The following PLXDC2 variants were observed in gnomAD, a reference collection of about 807,000 sequenced individuals.
PLXDC2 encodes the protein plexin domain-containing protein 2.
PLXDC2 carries 40 observed loss-of-function variants against 68.9 expected under a neutral mutation model. The observed-to-expected ratio is 0.58, with a 90% CI of 0.45 to 0.76. The LOEUF (loss-of-function observed/expected upper bound fraction) is 0.76. Among genes scored for constraint, PLXDC2 ranks in the 30% least tolerant of loss-of-function variants. The pLI, the probability that PLXDC2 is intolerant of heterozygous loss-of-function variation, is 0.00. For synonymous variants in PLXDC2, 243 were observed against 234.2 expected (o/e 1.04, Z -0.34); for missense variants, 644 against 661.9 (o/e 0.97, Z 0.30).
At chr10:20,072,481 C>CAAAGAAAGAAAGAGAAAG (rs1836341350) in intron 4 of PLXDC2, among the ~76,000 whole-genome samples, 1 of 72,602 alleles carries the variant, frequency 1.4e-5, no homozygotes, top group Admixed American at 1.6e-4. Context: ...AAAGAAGGAA[C>CAAAGAAAGAAAGAGAAAG]AAAGAAAGAA....
At position 20,070,524 on chromosome 10, in the gene PLXDC2, A is replaced by C. The variant is rs930096150; in HGVS notation, c.541+2285A>C. Among the ~76,000 whole-genome samples the C allele has an allele frequency of 4.6e-5, 7 of 152,190 alleles. 1 individual carries two copies. Among genetic ancestry groups the C allele is most frequent in the Non-Finnish European group, 8.8e-5 (6 of 68,034 alleles). On this transcript the variant is annotated intron_variant, in intron 4 of 13. Coordinates refer to ENST00000377252, the MANE Select transcript of PLXDC2 (RefSeq NM_032812.9). ...GAAGTATGTCTTTTGACCTCATCGG[A>C]TATATCCAGTATAGTGCCAGGCATT...
intron 1 of PLXDC2, among the ~76,000 whole-genome samples, chr10:19,878,297 G>T (rs1380259106): frequency 1.3e-5 from 2 of 151,674 alleles, no homozygotes; most frequent in Non-Finnish European, 2.9e-5. Flanking sequence ...AAACTCCTGG[G>T]CCCAAGTGAT....
At chr10:20,147,722 C>A in intron 5 of PLXDC2, 62 bp from the exon 6 acceptor site, 2 of 1,026,652 alleles carry the variant, frequency 1.9e-6, no homozygotes, top group South Asian at 3.4e-5. Flanking sequence ...GTGAAAACTC[C>A]CACCAGAATT....
intron 3 of PLXDC2, among the ~76,000 whole-genome samples, chr10:20,067,443 T>C (rs1366265261): frequency 1.3e-5 from 2 of 152,124 alleles, no homozygotes; most frequent in Non-Finnish European, 1.5e-5. Context: ...CCAAGCACTT[T>C]GGGAGGCTGA....
At chr10:20,011,491 A>G (rs2131644551) in intron 2 of PLXDC2, among the ~76,000 whole-genome samples, 1 of 152,316 alleles carries the variant, frequency 6.6e-6, no homozygotes, top group Admixed American at 6.5e-5. Context: ...GATTGGAGTT[A>G]CCAGGGCTCA....
chr10:20,049,889 G>A (rs997803991), intron 3 of PLXDC2, among the ~76,000 whole-genome samples: 1 of 151,926 alleles, frequency 6.6e-6, no homozygotes, highest in Non-Finnish European at 1.5e-5. Context: ...CCAAAAAAGA[G>A]CCCAAATAGC....
At chr10:19,954,634 TA>T (rs1834039867) in intron 1 of PLXDC2, among the ~76,000 whole-genome samples, 1 of 152,208 alleles carries the variant, frequency 6.6e-6, no homozygotes, top group South Asian at 2.1e-4. Context: ...TCGGACTGAC[TA>T]AAAAACTATT....
intron 1 of PLXDC2, among the ~76,000 whole-genome samples, chr10:19,905,012 A>G (rs2131370139): frequency 6.6e-6 from 1 of 152,256 alleles, no homozygotes. Flanking sequence ...ATTCCTGCAG[A>G]GTGCTCTTTG....
intron 1 of PLXDC2, among the ~76,000 whole-genome samples, chr10:19,856,657 C>T (rs765563175): frequency 6.6e-6 from 1 of 152,154 alleles, no homozygotes; most frequent in Admixed American, 6.5e-5. Flanking sequence ...CCTGACAGCT[C>T]AACACTGGCA....
Position 20,025,977 on chromosome 10 carries a change from C to T in PLXDC2, c.325-20892C>T, listed in dbSNP as rs189243215. 5.3e-5 allele frequency among the ~76,000 whole-genome samples: 8 copies of T among 152,106 alleles called. No individual in the cohort carries two copies. In the East Asian group the frequency reaches 1.4e-3, roughly 26 times the overall value. ...TAGTGAAAAGAACTACGTAGATAAA[C>T]TCAGGCAGAGGAAAGCTATGAGCAA... On this transcript the variant is annotated intron_variant, in intron 2 of 13. Coordinates refer to ENST00000377252, the MANE Select transcript of PLXDC2 (RefSeq NM_032812.9).
chr10:20,053,920 T>C (rs568722206), intron 3 of PLXDC2, among the ~76,000 whole-genome samples: 4 of 152,232 alleles, frequency 2.6e-5, no homozygotes, highest in African/African-American at 9.6e-5. Context: ...CACTGAAAAC[T>C]TCAACAAAAC....
intron 2 of PLXDC2, among the ~76,000 whole-genome samples, chr10:20,044,273 CT>C (rs1195935148): frequency 1.5e-4 from 15 of 97,256 alleles, no homozygotes; most frequent in East Asian, 6.7e-4. Context: ...TTCTTTCTTT[CT>C]TTCTTTCTTT....
At chr10:19,936,845 G>A (rs868697932) in intron 1 of PLXDC2, among the ~76,000 whole-genome samples, 5 of 152,180 alleles carry the variant, frequency 3.3e-5, no homozygotes, top group African/African-American at 1.2e-4. Flanking sequence ...CTGCATTGAG[G>A]ATATGGAAAC....
intron 1 of PLXDC2, among the ~76,000 whole-genome samples, chr10:19,836,364 A>G (rs1836793115): frequency 6.6e-6 from 1 of 152,194 alleles, no homozygotes; most frequent in Non-Finnish European, 1.5e-5. Context: ...ACAGGAAACC[A>G]TGTTAGGATC....
chr10:19,950,512 CACAG>C (rs758254663), intron 1 of PLXDC2, among the ~76,000 whole-genome samples: 1 of 152,096 alleles, frequency 6.6e-6, no homozygotes, highest in Non-Finnish European at 1.5e-5. Context: ...TCACAGATAA[CACAG>C]ACAAAGGGAG....
intron 4 of PLXDC2, among the ~76,000 whole-genome samples, chr10:20,101,896 C>T (rs756043500): frequency 3.3e-5 from 5 of 151,952 alleles, no homozygotes; most frequent in Admixed American, 6.6e-5. Context: ...CTCCCAGGTT[C>T]GAGCAATTCT....
intron 13 of PLXDC2, among the ~76,000 whole-genome samples, chr10:20,262,115 C>T (rs899056386): frequency 2.0e-5 from 3 of 152,112 alleles, no homozygotes; most frequent in Admixed American, 2.0e-4. Flanking sequence ...GATAGGACAA[C>T]GGCCCACCTG....
intron 9 of PLXDC2, among the ~76,000 whole-genome samples, chr10:20,198,150 G>T (rs1037892538): frequency 2.6e-5 from 4 of 152,116 alleles, no homozygotes; most frequent in African/African-American, 9.7e-5. Context: ...ATTTCTGAGG[G>T]TGTGAGTAGG....
chr10:20,046,415 T>A (rs985354303), intron 2 of PLXDC2, among the ~76,000 whole-genome samples: 1 of 152,116 alleles, frequency 6.6e-6, no homozygotes, highest in African/African-American at 2.4e-5. Flanking sequence ...ATTCTCCACG[T>A]TTACATTTGG....
Sources: gnomAD v4.1 joint callset for allele counts (sites outside exome capture counted in the v4.1 genomes callset) on GRCh38, gnomAD v4.1.1 for gene constraint, MANE v1.5 for transcripts, NCBI Gene and HGNC (gene_info 2026-07-23, HGNC 2026-07-21) for gene names.